Variants in FGF14 observed in about 807,000 individuals in gnomAD.
FGF14 encodes the protein fibroblast growth factor homologous factor 4.
A neutral mutation model predicts 25.5 loss-of-function variants in FGF14; 5 were observed. That is an observed-to-expected ratio of 0.20 (90% confidence interval 0.10 to 0.41). The LOEUF (loss-of-function observed/expected upper bound fraction) is 0.41, where lower values mean the gene tolerates loss of function less well. Ranked by LOEUF, FGF14 falls within the 10% of genes least tolerant of loss-of-function variation. The pLI is 1.00. For synonymous variants in FGF14, 138 were observed against 118.3 expected (o/e 1.17, Z -1.08); for missense variants, 222 against 320.1 (o/e 0.69, Z 2.34).
chr13:102,115,804 G>A (rs926834229), intron 1 of FGF14, among the ~76,000 whole-genome samples: 2 of 105,198 alleles, frequency 1.9e-5, no homozygotes, highest in African/African-American at 9.6e-5. Flanking sequence ...TGTAACAAAT[G>A]AACCAAAAAT....
intron 1 of FGF14, among the ~76,000 whole-genome samples, chr13:102,349,060 TG>T (rs2057196939): frequency 6.6e-6 from 1 of 151,498 alleles, no homozygotes; most frequent in Admixed American, 6.6e-5. Context: ...ACTGTGAGAG[TG>T]GGGTAATGAT....
intron 1 of FGF14, among the ~76,000 whole-genome samples, chr13:102,162,191 A>G (rs2047808145): frequency 6.6e-6 from 1 of 152,166 alleles, no homozygotes; most frequent in African/African-American, 2.4e-5. Context: ...ATGCTCTCTC[A>G]ATGGCAACTG....
chr13:101,946,541 T>C (rs1458977559), intron 1 of FGF14, among the ~76,000 whole-genome samples: 3 of 152,170 alleles, frequency 2.0e-5, no homozygotes, highest in Non-Finnish European at 4.4e-5. Flanking sequence ...AGTTCCACTA[T>C]GTTCTCAAAT....
intron 1 of FGF14, among the ~76,000 whole-genome samples, chr13:102,224,318 T>C (rs1249999780): frequency 6.6e-6 from 1 of 152,098 alleles, no homozygotes; most frequent in East Asian, 1.9e-4. Flanking sequence ...AGTGTAAAAA[T>C]TAGTAATAAA....
At chr13:101,883,374 CAGG>C (rs2045817728) in intron 1 of FGF14, among the ~76,000 whole-genome samples, 1 of 152,178 alleles carries the variant, frequency 6.6e-6, no homozygotes, top group Non-Finnish European at 1.5e-5. Flanking sequence ...CATTGGAAAA[CAGG>C]AGGAGAAATC....
chr13:102,304,306 T>C (rs769189382), intron 1 of FGF14, among the ~76,000 whole-genome samples: 12 of 152,120 alleles, frequency 7.9e-5, no homozygotes, highest in Non-Finnish European at 1.6e-4. Flanking sequence ...TGTTTTGGAA[T>C]TGTCTTCCTG....
intron 1 of FGF14, among the ~76,000 whole-genome samples, chr13:101,972,503 C>T (rs2037661731): frequency 1.3e-5 from 2 of 152,110 alleles, no homozygotes; most frequent in Admixed American, 1.3e-4. Flanking sequence ...TTCCCTGCTC[C>T]AAATTTTCTC....
At chr13:101,862,073 G>A (rs1054768113) in intron 3 of FGF14, among the ~76,000 whole-genome samples, 1 of 152,080 alleles carries the variant, frequency 6.6e-6, no homozygotes, top group Admixed American at 6.6e-5. Flanking sequence ...AGGTAATTTT[G>A]GTATGGTAGG....
intron 1 of FGF14, among the ~76,000 whole-genome samples, chr13:102,350,015 A>G (rs1014542871): frequency 7.2e-5 from 11 of 152,366 alleles, no homozygotes; most frequent in African/African-American, 2.6e-4. Flanking sequence ...GAAAATGGAG[A>G]AGAGACAAGA....
At chr13:101,833,044 G>A (rs975313979) in intron 3 of FGF14, among the ~76,000 whole-genome samples, 3 of 151,960 alleles carry the variant, frequency 2.0e-5, no homozygotes, top group African/African-American at 7.2e-5. Context: ...GTAGTTCACC[G>A]CCCTGGAATC....
At chr13:102,202,222 G>C (rs962260125) in intron 1 of FGF14, among the ~76,000 whole-genome samples, 6 of 152,168 alleles carry the variant, frequency 3.9e-5, no homozygotes, top group African/African-American at 1.2e-4. Flanking sequence ...CCAGTCTCCA[G>C]TGTTTCTTTA....
Position 101,857,082 on chromosome 13 carries a change from A to G in FGF14, c.408+11643T>C, listed in dbSNP as rs1254433881. Among the ~76,000 whole-genome samples the G allele has an allele frequency of 2.0e-5, 3 of 152,008 alleles. No homozygotes were observed. In the East Asian group the frequency reaches 5.8e-4, roughly 29 times the overall value. ...CACAGTTAATTTATTTCATAACATC[A>G]ACAGATGCTTTTCTCATGGAATAAA... On this transcript the variant is annotated intron_variant, in intron 3 of 4. Coordinates refer to ENST00000376143, the MANE Select transcript of FGF14 (RefSeq NM_004115.4).
chr13:102,341,393 C>T (rs970187571), intron 1 of FGF14, among the ~76,000 whole-genome samples: 3 of 152,190 alleles, frequency 2.0e-5, no homozygotes, highest in Non-Finnish European at 2.9e-5. Flanking sequence ...ATCATCCATT[C>T]ATCTACCCAT....
chr13:102,190,043 AC>A (rs1369360560), intron 1 of FGF14, among the ~76,000 whole-genome samples: 2 of 152,196 alleles, frequency 1.3e-5, no homozygotes, highest in Non-Finnish European at 2.9e-5. Flanking sequence ...TTGAGGGGAC[AC>A]ACATCCAAAA....
At position 101,922,812 on chromosome 13, in the gene FGF14, TA is replaced by T. The variant is rs1264621876; in HGVS notation, c.209-47517del. Among the ~76,000 whole-genome samples the T allele has an allele frequency of 6.8e-3, 967 of 143,168 alleles. 5 individuals are homozygous for T. The highest frequency in any genetic ancestry group is 0.017 in the Admixed American group (247 of 14,404). 93.9% of individuals were successfully genotyped at this position (143,168 alleles called of 152,430 possible). ...GTAGATAAGTTTCGATACAGTTTAC[TA>T]AAAAAAAAAAGTGCCTGGATTTTGT... On this transcript the variant is annotated intron_variant, in intron 1 of 4. Coordinates refer to the FGF14 transcript ENST00000376131.
At chr13:101,818,607 G>A (rs1316663641) in intron 3 of FGF14, among the ~76,000 whole-genome samples, 1 of 152,166 alleles carries the variant, frequency 6.6e-6, no homozygotes, top group Non-Finnish European at 1.5e-5. Flanking sequence ...TTAGCATTTG[G>A]ATGGTTCGGA....
chr13:102,281,588 T>C (rs914138598), intron 1 of FGF14, among the ~76,000 whole-genome samples: 3 of 152,110 alleles, frequency 2.0e-5, no homozygotes, highest in African/African-American at 7.2e-5. Flanking sequence ...GTCTCCACAC[T>C]TGCTCCTGAA....
intron 3 of FGF14, chr13:101,802,264 C>A: frequency 4.2e-6 from 1 of 240,326 alleles, no homozygotes; most frequent in Non-Finnish European, 8.4e-6. Flanking sequence ...AGTGACAGGA[C>A]AAAGCAGACT....
chr13:102,022,741 G>A (rs902539183), intron 1 of FGF14, among the ~76,000 whole-genome samples: 1 of 152,076 alleles, frequency 6.6e-6, no homozygotes, highest in South Asian at 2.1e-4. Flanking sequence ...ATATATGCCA[G>A]TTCCATTTTA....
Sources: allele counts gnomAD v4.1 joint callset (sites outside exome capture counted in the v4.1 genomes callset), GRCh38; gene constraint gnomAD v4.1.1; transcripts MANE v1.5; gene names NCBI Gene and HGNC (gene_info 2026-07-23, HGNC 2026-07-21).